Variants in CTNNA3 observed in about 807,000 individuals in gnomAD.
CTNNA3 encodes the protein catenin alpha 3.
A neutral mutation model predicts 95.7 loss-of-function variants in CTNNA3; 76 were observed. The observed-to-expected ratio is 0.79, with a 90% confidence interval of 0.66 to 0.96. CTNNA3 has a LOEUF of 0.96. Among genes scored for constraint, CTNNA3 ranks in the 40% least tolerant of loss-of-function variants. CTNNA3 has a pLI of 0.00. For missense variants in CTNNA3, 1,191 were observed against 1,089.8 expected, an observed-to-expected ratio of 1.09 and a Z score of -1.31; for synonymous variants, 431 against 374.4, an observed-to-expected ratio of 1.15 and a Z score of -1.74.
chr10:67,177,689 C>G (rs1169249424), intron 7 of CTNNA3, among the ~76,000 whole-genome samples: 1 of 152,120 alleles, frequency 6.6e-6, no homozygotes, highest in African/African-American at 2.4e-5. Context: ...CATTCCCTTT[C>G]ATTAAAACTG....
chr10:66,174,156 C>T (rs1460594414), intron 13 of CTNNA3, among the ~76,000 whole-genome samples: 1 of 152,260 alleles, frequency 6.6e-6, no homozygotes, highest in Non-Finnish European at 1.5e-5. Context: ...CCCAAGCTCA[C>T]ACAGCTAGAA....
chr10:66,369,939 T>A (rs1025291190), intron 12 of CTNNA3, among the ~76,000 whole-genome samples: 1 of 152,026 alleles, frequency 6.6e-6, no homozygotes, highest in Non-Finnish European at 1.5e-5. Flanking sequence ...ATCTGAGGAA[T>A]CACATAAAAA....
At chr10:66,418,902 A>G (rs1022758782) in intron 11 of CTNNA3, among the ~76,000 whole-genome samples, 6 of 152,136 alleles carry the variant, frequency 3.9e-5, no homozygotes, top group African/African-American at 7.2e-5. Flanking sequence ...TATATGTCAA[A>G]TCCACAAATA....
chr10:66,371,755 G>A (rs1431795046), intron 12 of CTNNA3, among the ~76,000 whole-genome samples: 1 of 152,074 alleles, frequency 6.6e-6, no homozygotes, highest in East Asian at 1.9e-4. Flanking sequence ...GTCTTAGTGT[G>A]AGGCAGAGCA....
At chr10:66,919,536 G>C (rs957516690) in intron 7 of CTNNA3, among the ~76,000 whole-genome samples, 1 of 152,124 alleles carries the variant, frequency 6.6e-6, no homozygotes, top group African/African-American at 2.4e-5. Flanking sequence ...CAGGTGAATG[G>C]GAGGGAGACA....
At chr10:66,929,529 ACACATTC>A (rs1386064413) in intron 7 of CTNNA3, among the ~76,000 whole-genome samples, 7 of 152,196 alleles carry the variant, frequency 4.6e-5, no homozygotes. Context: ...TGTAAAGAGA[ACACATTC>A]CAAGACGTGC....
intron 12 of CTNNA3, among the ~76,000 whole-genome samples, chr10:66,361,797 C>G (rs2132432808): frequency 6.6e-6 from 1 of 152,160 alleles, no homozygotes; most frequent in South Asian, 2.1e-4. Context: ...CTCAGCCCCC[C>G]AAAGTGCTGG....
At chr10:66,647,436 C>T (rs997535820) in intron 9 of CTNNA3, among the ~76,000 whole-genome samples, 2 of 151,624 alleles carry the variant, frequency 1.3e-5, no homozygotes, top group African/African-American at 2.4e-5. Context: ...AAGAAGACTA[C>T]AAAAGTCTTC....
At chr10:67,148,148 A>G (rs1036009994) in intron 7 of CTNNA3, among the ~76,000 whole-genome samples, 2 of 152,160 alleles carry the variant, frequency 1.3e-5, no homozygotes, top group South Asian at 2.1e-4. Flanking sequence ...AATAAAGAAG[A>G]TCCCACTGGG....
intron 17 of CTNNA3, among the ~76,000 whole-genome samples, chr10:65,953,926 G>A (rs1017353185): frequency 2.0e-5 from 3 of 152,178 alleles, no homozygotes; most frequent in African/African-American, 4.8e-5. Flanking sequence ...GGGTCAAATG[G>A]TATTTCTAGT....
chr10:67,611,782 T>G (rs1004106620), intron 2 of CTNNA3, among the ~76,000 whole-genome samples: 19 of 152,212 alleles, frequency 1.2e-4, no homozygotes, highest in African/African-American at 3.9e-4. Context: ...CACTTTGAAT[T>G]TCAACCTTCC....
At chr10:67,259,069 C>T (rs1866476647) in intron 5 of CTNNA3, among the ~76,000 whole-genome samples, 2 of 151,676 alleles carry the variant, frequency 1.3e-5, no homozygotes, top group South Asian at 2.1e-4. Flanking sequence ...TGCTCTTTTT[C>T]CCCACATATT....
intron 3 of CTNNA3, among the ~76,000 whole-genome samples, chr10:67,542,699 G>C (rs942778440): frequency 2.0e-5 from 3 of 151,982 alleles, no homozygotes; most frequent in African/African-American, 7.2e-5. Flanking sequence ...ACACAGAGGA[G>C]GATCTACCTC....
chr10:66,346,045 C>T (rs2132371470), intron 12 of CTNNA3, among the ~76,000 whole-genome samples: 1 of 138,038 alleles, frequency 7.2e-6, no homozygotes, highest in Admixed American at 7.6e-5. Flanking sequence ...CCACTGCACT[C>T]CAGCCTGGGC....
chr10:66,913,253 AAAAAAAAAAAAAG>A (rs1846310251), intron 7 of CTNNA3, among the ~76,000 whole-genome samples: 1 of 149,632 alleles, frequency 6.7e-6, no homozygotes, highest in African/African-American at 2.4e-5. Context: ...AAAAAAAAAA[AAAAAAAAAAAAAG>A]AAAAAGAAAA....
At chr10:66,711,258 C>CAAAAAAAAA (rs56013857) in intron 9 of CTNNA3, among the ~76,000 whole-genome samples, 77 of 118,058 alleles carry the variant, frequency 6.5e-4, no homozygotes, top group African/African-American at 1.4e-3. Flanking sequence ...GAACAAGAAA[C>CAAAAAAAAA]AAAAAAAAAA....
At chr10:66,535,046 A>T (rs1436282431) in intron 10 of CTNNA3, among the ~76,000 whole-genome samples, 1 of 152,094 alleles carries the variant, frequency 6.6e-6, no homozygotes, top group East Asian at 1.9e-4. Flanking sequence ...ATGCATATTC[A>T]CTGGCGCATG....
chr10:66,753,581 G>A (rs1839246607), intron 9 of CTNNA3, among the ~76,000 whole-genome samples: 1 of 151,698 alleles, frequency 6.6e-6, no homozygotes, highest in Non-Finnish European at 1.5e-5. Flanking sequence ...AGAATCGCTT[G>A]AACCTGGGAG....
At chr10:67,137,761 T>TA (rs1225600060) in intron 7 of CTNNA3, among the ~76,000 whole-genome samples, 2 of 152,072 alleles carry the variant, frequency 1.3e-5, no homozygotes, top group East Asian at 1.9e-4. Context: ...TAAATCCTTT[T>TA]AAAAAAAGAG....
Sources: gnomAD v4.1 joint callset for allele counts (sites outside exome capture counted in the v4.1 genomes callset) on GRCh38, gnomAD v4.1.1 for gene constraint, MANE v1.5 for transcripts, NCBI Gene and HGNC (gene_info 2026-07-23, HGNC 2026-07-21) for gene names.